The following IGF2BP2 variants were observed in gnomAD, a reference collection of about 807,000 sequenced individuals.
The protein encoded by IGF2BP2 is insulin like growth factor 2 mRNA binding protein 2.
Under a neutral mutation model 75.8 loss-of-function variants are expected in IGF2BP2, and 17 were observed. The observed-to-expected ratio is 0.22, with a 90% CI of 0.15 to 0.34. The LOEUF (loss-of-function observed/expected upper bound fraction) is 0.34. IGF2BP2 is among the 10% of genes least tolerant of loss of function. The pLI is 1.00. For synonymous variants in IGF2BP2, 288 were observed against 295.6 expected (o/e 0.97, Z 0.26); for missense variants, 516 against 772.4 (o/e 0.67, Z 3.93).
intron 13 of IGF2BP2, among the ~76,000 whole-genome samples, chr3:185,651,296 T>C (rs188870024): frequency 6.6e-6 from 1 of 152,380 alleles, no homozygotes; most frequent in East Asian, 1.9e-4. Context: ...CATTCCTTTC[T>C]GTGGCTGAAT....
intron 2 of IGF2BP2, among the ~76,000 whole-genome samples, chr3:185,726,448 T>TGA (rs1379731587): frequency 2.0e-5 from 3 of 152,180 alleles, no homozygotes; most frequent in Non-Finnish European, 4.4e-5. Context: ...ACTGCTAAAA[T>TGA]GAGATGGTGA....
At chr3:185,703,420 G>C (rs1723579167) in intron 2 of IGF2BP2, among the ~76,000 whole-genome samples, 2 of 152,092 alleles carry the variant, frequency 1.3e-5, no homozygotes, top group South Asian at 4.1e-4. Context: ...AGAATTTGTT[G>C]CTTAAAGTAA....
chr3:185,813,064 GAT>G (rs1560512056), intron 2 of IGF2BP2, among the ~76,000 whole-genome samples: 1 of 152,162 alleles, frequency 6.6e-6, no homozygotes, highest in Non-Finnish European at 1.5e-5. Context: ...ACACTCTCGT[GAT>G]GTAGAAATAA....
chr3:185,681,885 T>C (rs1213287078), intron 7 of IGF2BP2, among the ~76,000 whole-genome samples: 2 of 152,296 alleles, frequency 1.3e-5, no homozygotes, highest in African/African-American at 4.8e-5. Context: ...AGTTGAACCA[T>C]TATTTTACAC....
chr3:185,776,426 A>G (rs1734538483), intron 2 of IGF2BP2, among the ~76,000 whole-genome samples: 1 of 152,156 alleles, frequency 6.6e-6, no homozygotes. Flanking sequence ...TGGAAAAAGT[A>G]AAAAGTGAGG....
intron 10 of IGF2BP2, among the ~76,000 whole-genome samples, chr3:185,666,906 A>C (rs1375015607): frequency 6.6e-6 from 1 of 152,250 alleles, no homozygotes; most frequent in African/African-American, 2.4e-5. Context: ...ATTTTTACCA[A>C]TTCTTCAAGG....
At chr3:185,740,003 A>ACAC (rs1408558237) in intron 2 of IGF2BP2, among the ~76,000 whole-genome samples, 1 of 151,638 alleles carries the variant, frequency 6.6e-6, no homozygotes, top group East Asian at 1.9e-4. Context: ...CTACAGGCGT[A>ACAC]CACCACCATA....
At chr3:185,650,088 C>CTTTT (rs542843120) in intron 13 of IGF2BP2, among the ~76,000 whole-genome samples, 3 of 125,986 alleles carry the variant, frequency 2.4e-5, no homozygotes, top group African/African-American at 5.7e-5. Flanking sequence ...TGTTTTCATT[C>CTTTT]TTTTTTTTTT....
chr3:185,709,895 A>T (rs1449915789), intron 2 of IGF2BP2, among the ~76,000 whole-genome samples: 1 of 152,200 alleles, frequency 6.6e-6, no homozygotes, highest in African/African-American at 2.4e-5. Context: ...GTTAACAGAC[A>T]TTTCACCTGG....
chr3:185,811,982 G>A (rs1193793174), intron 2 of IGF2BP2, among the ~76,000 whole-genome samples: 3 of 152,018 alleles, frequency 2.0e-5, no homozygotes, highest in African/African-American at 4.8e-5. Flanking sequence ...TGGCCATAGG[G>A]GAAGAAATCA....
chr3:185,758,007 G>A lies in IGF2BP2; in HGVS notation c.240-59660C>T, dbSNP rs554257234. ...TGCTCCAAAATCAACTGGGCCAACT[G>A]GCCACCTGACCAAGAACAATAATTG... On this transcript the variant is annotated intron_variant, in intron 2 of 15. Transcript: ENST00000382199. Among the ~76,000 whole-genome samples, 10 of 152,280 alleles carry A rather than the reference G, an allele frequency of 6.6e-5. No homozygotes were observed. The South Asian group carries it at 2.1e-3, about 32-fold the overall frequency.
intron 2 of IGF2BP2, among the ~76,000 whole-genome samples, chr3:185,752,616 GTC>G (rs1275438005): frequency 1.3e-5 from 2 of 151,800 alleles, no homozygotes; most frequent in African/African-American, 2.4e-5. Context: ...TGGAGACAGT[GTC>G]TCTCTCTGTC....
chr3:185,820,403 A>C (rs1741221770), intron 2 of IGF2BP2, among the ~76,000 whole-genome samples: 1 of 152,040 alleles, frequency 6.6e-6, no homozygotes, highest in African/African-American at 2.4e-5. Context: ...CATATGTACT[A>C]CCAAGAAATA....
chr3:185,702,809 A>C (rs1384545552), intron 2 of IGF2BP2, among the ~76,000 whole-genome samples: 6 of 152,228 alleles, frequency 3.9e-5, no homozygotes, highest in Admixed American at 2.6e-4. Flanking sequence ...CAAGTGTGCC[A>C]GAATGAGCCT....
At chr3:185,664,726 C>T (rs547057311) in intron 10 of IGF2BP2, among the ~76,000 whole-genome samples, 186 of 152,268 alleles carry the variant, frequency 1.2e-3, no homozygotes, top group African/African-American at 4.3e-3. Flanking sequence ...ATGCACGAGA[C>T]TGTTAAACCA....
intron 2 of IGF2BP2, among the ~76,000 whole-genome samples, chr3:185,701,169 A>T (rs1723243143): frequency 6.6e-6 from 1 of 151,930 alleles, no homozygotes; most frequent in African/African-American, 2.4e-5. Context: ...GGCTCTAGTG[A>T]TCCTCCCACG....
At chr3:185,710,594 G>A (rs540203564) in intron 2 of IGF2BP2, among the ~76,000 whole-genome samples, 60 of 152,168 alleles carry the variant, frequency 3.9e-4, no homozygotes, top group African/African-American at 1.3e-3. Context: ...TTAGCTGGGC[G>A]TGGTGGAGGG....
chr3:185,796,862 G>C (rs1380643499), intron 2 of IGF2BP2, among the ~76,000 whole-genome samples: 1 of 152,142 alleles, frequency 6.6e-6, no homozygotes, highest in East Asian at 1.9e-4. Flanking sequence ...TGCTACAATA[G>C]TTTGGTTCAA....
intron 2 of IGF2BP2, among the ~76,000 whole-genome samples, chr3:185,801,097 CAT>C (rs775282520): frequency 9.2e-5 from 14 of 151,976 alleles, no homozygotes; most frequent in Non-Finnish European, 2.1e-4. Flanking sequence ...AGCCAACAAA[CAT>C]ATGAAAAAAA....
Sources: gnomAD v4.1 joint callset for allele counts (sites outside exome capture counted in the v4.1 genomes callset) on GRCh38, gnomAD v4.1.1 for gene constraint, MANE v1.5 for transcripts, NCBI Gene and HGNC (gene_info 2026-07-23, HGNC 2026-07-21) for gene names.